The following MNAT1 variants were observed in gnomAD, a reference collection of about 807,000 sequenced individuals.
The protein encoded by MNAT1 is MNAT1 component of CDK activating kinase.
A neutral mutation model predicts 42.0 loss-of-function variants in MNAT1; 43 were observed. The ratio of observed to expected loss-of-function variants is 1.02; its 90% CI spans 0.80 to 1.32. The LOEUF is 1.32. MNAT1 is among the 40% of genes most tolerant of loss of function. The pLI, the probability that MNAT1 is intolerant of heterozygous loss-of-function variation, is 0.00. For synonymous variants in MNAT1, 118 were observed against 120.0 expected (o/e 0.98, Z 0.11); for missense variants, 306 against 350.4 (o/e 0.87, Z 1.01).
intron 7 of MNAT1, chr14:60,919,460 G>T: frequency 6.4e-6 from 1 of 155,558 alleles, no homozygotes; most frequent in South Asian, 1.9e-4. Flanking sequence ...AGCCCACCAT[G>T]GGAAAGAGTG....
chr14:60,953,839 A>T (rs757825404), intron 7 of MNAT1, among the ~76,000 whole-genome samples: 1 of 152,024 alleles, frequency 6.6e-6, no homozygotes, highest in Admixed American at 6.6e-5. Context: ...GTGAGGTGAT[A>T]CCTCATTGTG....
intron 1 of MNAT1, among the ~76,000 whole-genome samples, chr14:60,751,167 G>T (rs1230913912): frequency 6.6e-6 from 1 of 151,670 alleles, no homozygotes; most frequent in African/African-American, 2.4e-5. Flanking sequence ...AGCCCACCTG[G>T]ACAGCTCCAG....
At chr14:60,850,399 A>G (rs1431861496) in intron 6 of MNAT1, among the ~76,000 whole-genome samples, 1 of 152,196 alleles carries the variant, frequency 6.6e-6, no homozygotes, top group East Asian at 1.9e-4. Context: ...CTTTTCCACT[A>G]GGAGCATTTG....
intron 1 of MNAT1, among the ~76,000 whole-genome samples, chr14:60,759,847 C>G (rs1004308771): frequency 6.6e-6 from 1 of 152,054 alleles, no homozygotes; most frequent in Non-Finnish European, 1.5e-5. Flanking sequence ...TCATATCTAG[C>G]CTTAGGTCAA....
chr14:60,958,811 T>C (rs1047215267), intron 7 of MNAT1, among the ~76,000 whole-genome samples: 2 of 151,840 alleles, frequency 1.3e-5, no homozygotes, highest in African/African-American at 4.8e-5. Flanking sequence ...TAATTTCTTT[T>C]TGTATTTTTG....
chr14:60,886,803 T>C (rs188960534), intron 7 of MNAT1, among the ~76,000 whole-genome samples: 1 of 152,156 alleles, frequency 6.6e-6, no homozygotes, highest in Non-Finnish European at 1.5e-5. Context: ...TATAGGATCA[T>C]GTCATATGCA....
At chr14:60,892,896 C>G (rs1279509828) in intron 7 of MNAT1, among the ~76,000 whole-genome samples, 2 of 152,024 alleles carry the variant, frequency 1.3e-5, no homozygotes, top group Non-Finnish European at 2.9e-5. Context: ...GTTGACAGCA[C>G]CACAGAATTA....
chr14:60,929,170 A>AT (rs1555336770), intron 7 of MNAT1, among the ~76,000 whole-genome samples: 25 of 47,456 alleles, frequency 5.3e-4, no homozygotes, highest in African/African-American at 2.7e-3. Flanking sequence ...AAAAAAAAAA[A>AT]ATATATATAT....
At chr14:60,770,091 CCTT>C (rs948733347) in intron 1 of MNAT1, among the ~76,000 whole-genome samples, 1 of 152,090 alleles carries the variant, frequency 6.6e-6, no homozygotes, top group Non-Finnish European at 1.5e-5. Context: ...ACTAATTTTC[CCTT>C]CTTTTCTGCC....
chr14:60,833,494 A>T (rs1272852790), intron 6 of MNAT1, among the ~76,000 whole-genome samples: 1 of 152,164 alleles, frequency 6.6e-6, no homozygotes, highest in Non-Finnish European at 1.5e-5. Context: ...TGATTTGCAT[A>T]TGTTGAACCA....
chr14:60,881,444 C>A (rs1366073597), intron 7 of MNAT1, among the ~76,000 whole-genome samples: 1 of 152,194 alleles, frequency 6.6e-6, no homozygotes, highest in South Asian at 2.1e-4. Flanking sequence ...CTTGGCCCCC[C>A]AAAAGTGCTG....
Position 60,968,631 on chromosome 14 carries a change from T to C in MNAT1, c.*282T>C. 1 of 762,836 alleles carries C rather than the reference T, an allele frequency of 1.3e-6. No individual in the cohort carries two copies. The highest frequency in any genetic ancestry group is 1.9e-6 in the Non-Finnish European group (1 of 529,776). The allele number at this position is 762,836 out of a possible 1,614,324, so 47.3% of individuals were successfully genotyped here. Reference sequence around the variant, plus strand: ...ATTCACCTATATGTGTTTGAGGTTGTGACAGACTTATAAAATCTTTTTAAA... The same window carrying C: ...ATTCACCTATATGTGTTTGAGGTTGCGACAGACTTATAAAATCTTTTTAAA... On this transcript the variant is annotated 3_prime_UTR_variant, in exon 8 of 8. Coordinates refer to ENST00000261245, the MANE Select transcript of MNAT1 (RefSeq NM_002431.4).
chr14:60,904,755 TA>T (rs1214880830), intron 7 of MNAT1, among the ~76,000 whole-genome samples: 2 of 152,084 alleles, frequency 1.3e-5, no homozygotes, highest in African/African-American at 2.4e-5. Flanking sequence ...AGCACTAAGT[TA>T]AAAAAAGTAA....
intron 6 of MNAT1, among the ~76,000 whole-genome samples, chr14:60,852,770 C>A (rs999704584): frequency 6.6e-6 from 1 of 152,146 alleles, no homozygotes; most frequent in Non-Finnish European, 1.5e-5. Flanking sequence ...ATATGGCTAG[C>A]CAGTTTTCCC....
intron 3 of MNAT1, among the ~76,000 whole-genome samples, chr14:60,798,669 TTTTC>T (rs1372522248): frequency 1.3e-5 from 2 of 152,170 alleles, no homozygotes; most frequent in Non-Finnish European, 2.9e-5. Context: ...TCTTTGTGCC[TTTTC>T]TTTCTGATGT....
intron 1 of MNAT1, among the ~76,000 whole-genome samples, chr14:60,741,665 T>TTTTG (rs1896466500): frequency 6.9e-6 from 1 of 145,842 alleles, no homozygotes. Flanking sequence ...GGGGTTTTTT[T>TTTTG]TTTTTTTTTT....
At chr14:60,887,249 A>G (rs1399380894) in intron 7 of MNAT1, among the ~76,000 whole-genome samples, 15 of 149,150 alleles carry the variant, frequency 1.0e-4, no homozygotes, top group Admixed American at 6.7e-4. Context: ...ATTTTATTTT[A>G]TTATTATGCT....
intron 6 of MNAT1, among the ~76,000 whole-genome samples, chr14:60,841,857 C>T (rs2033562552): frequency 1.3e-5 from 2 of 152,200 alleles, no homozygotes; most frequent in South Asian, 4.1e-4. Flanking sequence ...ATTCTGAAGA[C>T]CCTATCTGAT....
chr14:60,811,496 G>C (rs898179454), intron 4 of MNAT1, among the ~76,000 whole-genome samples: 4 of 151,696 alleles, frequency 2.6e-5, no homozygotes, highest in Non-Finnish European at 5.9e-5. Flanking sequence ...TAGAGACAGG[G>C]TTTCACCATG....
Sources: gnomAD v4.1 joint callset for allele counts (sites outside exome capture counted in the v4.1 genomes callset) on GRCh38, gnomAD v4.1.1 for gene constraint, MANE v1.5 for transcripts, NCBI Gene and HGNC (gene_info 2026-07-23, HGNC 2026-07-21) for gene names.